EEPD1: variants seen among roughly 807,000 people sequenced by gnomAD.
The protein encoded by EEPD1 is endonuclease/exonuclease/phosphatase family domain containing 1, also known as endonuclease/exonuclease/phosphatase family domain-containing protein 1.
EEPD1 carries 17 observed loss-of-function variants against 46.3 expected under a neutral mutation model. The ratio of observed to expected loss-of-function variants is 0.37; its 90% confidence interval spans 0.25 to 0.55. The LOEUF is 0.55. Among genes scored for constraint, EEPD1 ranks in the 20% least tolerant of loss-of-function variants. The probability of loss-of-function intolerance (pLI) is 0.83; values close to 1 mark genes in which losing one functional copy is unlikely to be tolerated. For missense variants in EEPD1, 673 were observed against 745.6 expected (o/e 0.90, Z 1.13); for synonymous variants, 313 against 315.6 (o/e 0.99, Z 0.09).
chr7:36,175,687 C>T (rs1785164295), intron 2 of EEPD1, among the ~76,000 whole-genome samples: 1 of 152,168 alleles, frequency 6.6e-6, no homozygotes, highest in African/African-American at 2.4e-5. Flanking sequence ...ACCTCCCTTC[C>T]TGGGTGTGAC....
chr7:36,238,972 T>A lies in EEPD1; in HGVS notation c.879-13T>A, dbSNP rs754239779. The A allele has an allele frequency of 3.7e-6, 6 of 1,603,544 alleles. No individual in the cohort carries two copies. The highest frequency in any genetic ancestry group is 5.1e-6 in the Non-Finnish European group (6 of 1,177,714). On this transcript the variant is annotated splice_polypyrimidine_tract_variant and intron_variant, in intron 2 of 7. Coordinates refer to ENST00000242108, the MANE Select transcript of EEPD1 (RefSeq NM_030636.3). ...TTTGTTTTCAAGTGTGGTTTTGATT[T>A]TTTTTCTTACAGCATCAAGCTTCTA...
chr7:36,233,470 C>G (rs574252943), intron 2 of EEPD1, among the ~76,000 whole-genome samples: 1 of 152,206 alleles, frequency 6.6e-6, no homozygotes, highest in African/African-American at 2.4e-5. Context: ...ATTCCTTGAG[C>G]GCTTTCCATG....
At chr7:36,250,958 C>A (rs1470817412) in intron 3 of EEPD1, among the ~76,000 whole-genome samples, 1 of 152,134 alleles carries the variant, frequency 6.6e-6, no homozygotes, top group Non-Finnish European at 1.5e-5. Context: ...ATGAATCAAC[C>A]CTTACCAGTG....
In EEPD1 at chr7:36,283,174, C is replaced by G. The variant is rs149791014; in HGVS notation, c.1042-1512C>G. Among the ~76,000 whole-genome samples the G allele has an allele frequency of 4.6e-4, 70 of 152,326 alleles. 1 individual carries two copies. The highest frequency in any genetic ancestry group is 6.8e-3 in the Middle Eastern group (2 of 294). On this transcript the variant is annotated intron_variant, in intron 4 of 7. Coordinates refer to ENST00000242108, the MANE Select transcript of EEPD1 (RefSeq NM_030636.3). Reference sequence around the variant, plus strand: ...GGTGCTCGGACCTGAGCCCAGTTCACTCTCTCTGTCTGGAAACCCTGTTCC... The same window carrying G: ...GGTGCTCGGACCTGAGCCCAGTTCAGTCTCTCTGTCTGGAAACCCTGTTCC...
At chr7:36,273,160 A>ACACT (rs70977128) in intron 3 of EEPD1, among the ~76,000 whole-genome samples, 5 of 141,942 alleles carry the variant, frequency 3.5e-5, no homozygotes, top group Non-Finnish European at 6.3e-5. Flanking sequence ...ACACACACAC[A>ACACT]CTCACGGGTC....
chr7:36,221,912 C>T (rs945018399), intron 2 of EEPD1, among the ~76,000 whole-genome samples: 3 of 152,068 alleles, frequency 2.0e-5, no homozygotes, highest in African/African-American at 7.2e-5. Flanking sequence ...TCCTCTGTGT[C>T]CCCCCCACAG....
At chr7:36,188,284 A>T (rs1265563020) in intron 2 of EEPD1, among the ~76,000 whole-genome samples, 1 of 152,084 alleles carries the variant, frequency 6.6e-6, no homozygotes, top group African/African-American at 2.4e-5. Context: ...CTTTTTAGTA[A>T]TCAGTATAGC....
At chr7:36,185,930 G>A (rs2115666713) in intron 2 of EEPD1, among the ~76,000 whole-genome samples, 1 of 152,288 alleles carries the variant, frequency 6.6e-6, no homozygotes, top group African/African-American at 2.4e-5. Context: ...TTTGCCAACT[G>A]TTGAAAGGGC....
At chr7:36,248,474 T>C (rs887995790) in intron 3 of EEPD1, among the ~76,000 whole-genome samples, 3 of 150,760 alleles carry the variant, frequency 2.0e-5, no homozygotes, top group African/African-American at 7.3e-5. Flanking sequence ...CCCAAAGTGC[T>C]GGGATTACAG....
rs1410333892 is a variant in EEPD1 at position 36,193,531 on chromosome 7, C to G, written c.878+38329C>G. 6.6e-6 allele frequency among the ~76,000 whole-genome samples: 1 copy of G among 152,150 alleles called. No individual in the cohort carries two copies. The highest frequency in any genetic ancestry group is 1.5e-5 in the Non-Finnish European group (1 of 68,018). ...CATGGGAAGCACCCAGGGCTGGGCT[C>G]TGGGTGTATCTTCTGTGTTTTGATG... On this transcript the variant is annotated intron_variant, in intron 2 of 7. Coordinates refer to ENST00000242108, the MANE Select transcript of EEPD1 (RefSeq NM_030636.3). This position sits in a 1 kb window ranked among gnomAD's most constrained non-coding sequence, Gnocchi z 4.9.
chr7:36,249,380 G>A (rs1025649389), intron 3 of EEPD1, among the ~76,000 whole-genome samples: 1 of 152,172 alleles, frequency 6.6e-6, no homozygotes, highest in Non-Finnish European at 1.5e-5. Context: ...TGTTTGTGAT[G>A]TCCCCATCCT....
intron 3 of EEPD1, among the ~76,000 whole-genome samples, chr7:36,244,782 TTTTTTTTG>T (rs1456510268): frequency 1.7e-5 from 2 of 119,510 alleles, no homozygotes; most frequent in African/African-American, 3.0e-5. Flanking sequence ...TTTTTTTTTT[TTTTTTTTG>T]GAGACGGAGT....
intron 3 of EEPD1, among the ~76,000 whole-genome samples, chr7:36,280,562 C>T (rs1015959822): frequency 2.6e-4 from 39 of 152,220 alleles, no homozygotes; most frequent in African/African-American, 8.0e-4. Context: ...GTGCAACATG[C>T]ATTAGCAAAA....
chr7:36,290,881 G>A (rs1439620228), intron 6 of EEPD1, among the ~76,000 whole-genome samples: 1 of 152,200 alleles, frequency 6.6e-6, no homozygotes, highest in African/African-American at 2.4e-5. Context: ...AGCCCAGGTG[G>A]GTGGCTTTTT....
chr7:36,171,832 T>G (rs1785089223), intron 2 of EEPD1, among the ~76,000 whole-genome samples: 1 of 152,232 alleles, frequency 6.6e-6, no homozygotes, highest in African/African-American at 2.4e-5. Flanking sequence ...GGCATCTGAT[T>G]CAGTTTCAAA....
chr7:36,204,032 C>CT (rs1785766807), intron 2 of EEPD1, among the ~76,000 whole-genome samples: 1 of 139,070 alleles, frequency 7.2e-6, no homozygotes, highest in African/African-American at 2.7e-5. Flanking sequence ...TTTCTTTTTT[C>CT]TTTTTCTTTT....
chr7:36,297,926 C>T, intron 7 of EEPD1, among the ~76,000 whole-genome samples: 1 of 152,164 alleles, frequency 6.6e-6, no homozygotes, highest in Non-Finnish European at 1.5e-5. Context: ...CCACGGATGC[C>T]TATTATACTT....
chr7:36,215,922 CAAAG>C (rs1386216488), intron 2 of EEPD1, among the ~76,000 whole-genome samples: 1 of 152,174 alleles, frequency 6.6e-6, no homozygotes, highest in Non-Finnish European at 1.5e-5. Context: ...TAGCCAAAGA[CAAAG>C]AGAGGATGGG....
At chr7:36,232,597 G>T (rs748533355) in intron 2 of EEPD1, among the ~76,000 whole-genome samples, 58 of 150,658 alleles carry the variant, frequency 3.8e-4, no homozygotes, top group Non-Finnish European at 7.1e-4. Context: ...ATTGGTTTTA[G>T]AGCAGAAAAT....
Sources: gnomAD v4.1 joint callset for allele counts (sites outside exome capture counted in the v4.1 genomes callset) on GRCh38, gnomAD v4.1.1 for gene constraint, Gnocchi (gnomAD v3.1) non-coding constraint, MANE v1.5 for transcripts, NCBI Gene and HGNC (gene_info 2026-07-23, HGNC 2026-07-21) for gene names.